CDK5RAP2: variants seen among roughly 807,000 people sequenced by gnomAD.
The protein encoded by CDK5RAP2 is CDK5 regulatory subunit-associated protein 2.
A neutral mutation model predicts 232.9 loss-of-function variants in CDK5RAP2; 147 were observed. The ratio of observed to expected loss-of-function variants is 0.63; its 90% CI spans 0.55 to 0.72. The LOEUF (loss-of-function observed/expected upper bound fraction) is 0.72. CDK5RAP2 is among the 30% of genes least tolerant of loss of function. The pLI is 0.00. For synonymous variants in CDK5RAP2, 833 were observed against 833.7 expected (o/e 1.00, Z 0.01); for missense variants, 2,195 against 2,231.5 (o/e 0.98, Z 0.33).
At chr9:120,475,079 C>T (rs556656533) in intron 15 of CDK5RAP2, among the ~76,000 whole-genome samples, 5 of 152,320 alleles carry the variant, frequency 3.3e-5, no homozygotes, top group Admixed American at 2.6e-4. Context: ...GGTCTTTACA[C>T]AGTGTCCTCT....
intron 22 of CDK5RAP2, among the ~76,000 whole-genome samples, chr9:120,447,346 C>T (rs1407248087): frequency 2.0e-5 from 3 of 152,202 alleles, no homozygotes; most frequent in Non-Finnish European, 4.4e-5. Flanking sequence ...ACTAGACACA[C>T]TTCCTCCAAG....
intron 36 of CDK5RAP2, among the ~76,000 whole-genome samples, chr9:120,393,960 T>C (rs1564160749): frequency 1.3e-5 from 2 of 152,174 alleles, no homozygotes; most frequent in South Asian, 2.1e-4. Flanking sequence ...GCCCTGAGCC[T>C]GCCACCTACA....
Position 120,572,701 on chromosome 9 carries a change from CT to C in CDK5RAP2, c.60-661del, listed in dbSNP as rs2042897820. On this transcript the variant is annotated intron_variant, in intron 1 of 37. Coordinates refer to ENST00000349780, the MANE Select transcript of CDK5RAP2 (RefSeq NM_018249.6). ...ACACTACCCTGATCTATTCTAAGCT[CT>C]GCCATGTATCTCTCTGAGCCTCACT... is the stretch of plus-strand genomic sequence containing the variant. Among the ~76,000 whole-genome samples, 3 of 152,212 alleles carry C rather than the reference CT, an allele frequency of 2.0e-5. No individual in the cohort carries two copies. The South Asian group carries it at 6.2e-4, about 31-fold the overall frequency.
At position 120,458,475 on chromosome 9, in the gene CDK5RAP2, T is replaced by G. The variant is rs779712828; in HGVS notation, c.2350A>C (p.Lys784Gln). The G allele has an allele frequency of 6.2e-7, 1 of 1,614,150 alleles. No homozygotes were observed. The highest frequency in any genetic ancestry group is 8.5e-7 in the Non-Finnish European group (1 of 1,180,026). ...CTGGATTCCAGTAATAATGTGGCCTTCTCATTGAACAAAGGGGCAAGCAGG... is the reference window on the plus strand; with the variant it reads ...CTGGATTCCAGTAATAATGTGGCCTGCTCATTGAACAAAGGGGCAAGCAGG... ...INLLAPLFNE[K>Q]ATLLLESRPD... Residue 784 changes from lysine (K) to glutamine (Q), a missense_variant, in exon 20 of 38, where the codon AAG becomes CAG. Coordinates refer to ENST00000349780, the MANE Select transcript of CDK5RAP2 (RefSeq NM_018249.6).
rs34029371 is a variant in CDK5RAP2, at chr9:120,486,409, T to TAA, written c.1626+883_1626+884dup. On this transcript the variant is annotated intron_variant, in intron 14 of 37. Coordinates refer to ENST00000349780, the MANE Select transcript of CDK5RAP2 (RefSeq NM_018249.6). Reference sequence around the variant, plus strand: ...CTTAATTTAAGCCAGGTTTTTCTTTTAAAAAAAAAAAAAAAAAAAAACCTG... The same window carrying TAA: ...CTTAATTTAAGCCAGGTTTTTCTTTTAAAAAAAAAAAAAAAAAAAAAAACCTG... 7.9e-3 allele frequency among the ~76,000 whole-genome samples: 1,044 copies of TAA among 132,802 alleles called. 9 individuals are homozygous for TAA. The highest frequency in any genetic ancestry group is 0.025 in the African/African-American group (929 of 36,844). 87.1% of individuals were successfully genotyped at this position (132,802 alleles called of 152,430 possible).
chr9:120,441,980 CT>C (rs916357606), intron 23 of CDK5RAP2, among the ~76,000 whole-genome samples: 1 of 152,072 alleles, frequency 6.6e-6, no homozygotes, highest in South Asian at 2.1e-4. Context: ...CTCCATAAGG[CT>C]TTTTTTCCAG....
At chr9:120,549,022 T>G (rs13291676) in intron 4 of CDK5RAP2, among the ~76,000 whole-genome samples, 28,616 of 152,056 alleles carry the variant, frequency 0.19, 2,953 homozygotes, top group South Asian at 0.28. Flanking sequence ...CCAGGCGTGC[T>G]GGCGTGCACA....
intron 18 of CDK5RAP2, among the ~76,000 whole-genome samples, chr9:120,464,996 T>C (rs73660254): frequency 0.084 from 12,731 of 152,240 alleles, 1,102 homozygotes; most frequent in African/African-American, 0.22. Context: ...TAGAGTCACA[T>C]AAGGTCTATT....
chr9:120,528,612 T>C (rs1303126201), intron 9 of CDK5RAP2, 132 bp downstream of exon 9: 1 of 711,084 alleles, frequency 1.4e-6, no homozygotes, highest in Admixed American at 2.0e-5. Flanking sequence ...TACCTTATGC[T>C]TGACTGGCAT....
At chr9:120,466,383 A>C (rs1301118646) in intron 18 of CDK5RAP2, among the ~76,000 whole-genome samples, 2 of 152,188 alleles carry the variant, frequency 1.3e-5, no homozygotes, top group Non-Finnish European at 2.9e-5. Flanking sequence ...CTGGGGGATG[A>C]TGGGGAGCTG....
chr9:120,520,558 G>C (rs2040571264), intron 11 of CDK5RAP2, among the ~76,000 whole-genome samples: 1 of 152,156 alleles, frequency 6.6e-6, no homozygotes, highest in African/African-American at 2.4e-5. Context: ...CAGGAGAATT[G>C]CTTGAACCCA....
At chr9:120,452,099 CA>C (rs529345026) in intron 21 of CDK5RAP2, among the ~76,000 whole-genome samples, 2 of 151,156 alleles carry the variant, frequency 1.3e-5, no homozygotes, top group Non-Finnish European at 3.0e-5. Context: ...AAAATTCAAA[CA>C]AAAAAAACAA....
intron 14 of CDK5RAP2, among the ~76,000 whole-genome samples, chr9:120,481,674 G>A (rs913678335): frequency 1.3e-5 from 2 of 151,872 alleles, no homozygotes; most frequent in Admixed American, 6.6e-5. Flanking sequence ...CGCCACACTC[G>A]GCTAATTTTT....
intron 12 of CDK5RAP2, among the ~76,000 whole-genome samples, chr9:120,515,923 G>A (rs929492301): frequency 6.6e-6 from 1 of 152,224 alleles, no homozygotes; most frequent in Non-Finnish European, 1.5e-5. Flanking sequence ...TGTTGGGACT[G>A]TAAACTAGTT....
intron 11 of CDK5RAP2, among the ~76,000 whole-genome samples, chr9:120,521,315 A>T (rs898920108): frequency 6.6e-6 from 1 of 152,178 alleles, no homozygotes; most frequent in Non-Finnish European, 1.5e-5. Flanking sequence ...GAAGAGCTCA[A>T]ATATCTTGCC....
At chr9:120,496,383 G>T (rs1424600187) in intron 12 of CDK5RAP2, among the ~76,000 whole-genome samples, 59 of 143,400 alleles carry the variant, frequency 4.1e-4, no homozygotes, top group Non-Finnish European at 4.9e-4. Context: ...GGGAGGTGGG[G>T]GGGGGGTCAG....
intron 11 of CDK5RAP2, among the ~76,000 whole-genome samples, chr9:120,519,176 A>AC (rs2040505037): frequency 2.0e-5 from 3 of 151,562 alleles, no homozygotes. Flanking sequence ...TCCGTCTCAA[A>AC]AAAAAAAAAA....
At chr9:120,457,283 CT>C (rs907451133) in intron 20 of CDK5RAP2, among the ~76,000 whole-genome samples, 1 of 152,184 alleles carries the variant, frequency 6.6e-6, no homozygotes, top group Non-Finnish European at 1.5e-5. Flanking sequence ...AGCATTCCCC[CT>C]GACCGCCCAG....
chr9:120,575,969 A>G (rs896289176), intron 1 of CDK5RAP2, among the ~76,000 whole-genome samples: 3 of 152,214 alleles, frequency 2.0e-5, no homozygotes, highest in Non-Finnish European at 2.9e-5. Flanking sequence ...GTGTTCTTCA[A>G]ACCTTACTGA....
Sources: gnomAD v4.1 joint callset for allele counts (sites outside exome capture counted in the v4.1 genomes callset) on GRCh38, gnomAD v4.1.1 for gene constraint, MANE v1.5 for transcripts, NCBI Gene and HGNC (gene_info 2026-07-23, HGNC 2026-07-21) for gene names.